COL25A1: variants seen among roughly 807,000 people sequenced by gnomAD.
COL25A1 encodes collagen alpha-1(XXV) chain.
COL25A1 carries 103 observed loss-of-function variants against 128.4 expected under a neutral mutation model. The observed-to-expected ratio is 0.80, with a 90% CI of 0.68 to 0.94. The LOEUF is 0.94. Among genes scored for constraint, COL25A1 ranks in the 40% least tolerant of loss-of-function variants. The pLI is 0.00. For synonymous variants in COL25A1, 279 were observed against 277.2 expected, an observed-to-expected ratio of 1.01 and a Z score of -0.06; for missense variants, 745 against 840.0, an observed-to-expected ratio of 0.89 and a Z score of 1.40.
chr4:108,903,107 G>A (rs988397809), intron 13 of COL25A1, among the ~76,000 whole-genome samples: 3 of 152,026 alleles, frequency 2.0e-5, no homozygotes, highest in Middle Eastern at 3.4e-3. Flanking sequence ...AATTCATGCT[G>A]AGATTTTGAA....
chr4:108,932,836 T>C (rs1302859741), intron 11 of COL25A1, among the ~76,000 whole-genome samples: 1 of 152,204 alleles, frequency 6.6e-6, no homozygotes, highest in Non-Finnish European at 1.5e-5. Flanking sequence ...TAAAGATAAT[T>C]TGTGCTAGGA....
At chr4:108,984,194 G>A (rs1303205813) in intron 6 of COL25A1, among the ~76,000 whole-genome samples, 2 of 152,198 alleles carry the variant, frequency 1.3e-5, no homozygotes, top group African/African-American at 4.8e-5. Flanking sequence ...CCCTGACCTA[G>A]ACACAGGGTG....
intron 6 of COL25A1, among the ~76,000 whole-genome samples, chr4:108,983,914 G>C (rs1044272497): frequency 3.3e-5 from 5 of 152,160 alleles, no homozygotes; most frequent in Admixed American, 2.6e-4. Context: ...AGCTTCCACA[G>C]TGTGGAAGGG....
intron 20 of COL25A1, among the ~76,000 whole-genome samples, chr4:108,868,866 AAG>A (rs951226419): frequency 1.3e-4 from 19 of 148,208 alleles, no homozygotes; most frequent in Middle Eastern, 3.5e-3. Flanking sequence ...AGAAGGAAGG[AAG>A]AGAGAGAGAG....
At chr4:109,170,950 G>A (rs1435722247) in intron 3 of COL25A1, among the ~76,000 whole-genome samples, 1 of 152,108 alleles carries the variant, frequency 6.6e-6, no homozygotes, top group Non-Finnish European at 1.5e-5. Context: ...AACTGCAAAT[G>A]TGTAGAGGCA....
At chr4:109,115,794 G>C (rs1767489458) in intron 3 of COL25A1, among the ~76,000 whole-genome samples, 1 of 151,998 alleles carries the variant, frequency 6.6e-6, no homozygotes, top group South Asian at 2.1e-4. Context: ...GTGAAAAGGA[G>C]ACCAAGCAGC....
chr4:109,278,389 A>G (rs1723050187), intron 3 of COL25A1, among the ~76,000 whole-genome samples: 1 of 152,220 alleles, frequency 6.6e-6, no homozygotes, highest in African/African-American at 2.4e-5. Flanking sequence ...TTCATCAAAG[A>G]AAAAGCCTGG....
At chr4:109,234,744 C>A (rs547493925) in intron 3 of COL25A1, among the ~76,000 whole-genome samples, 87 of 152,204 alleles carry the variant, frequency 5.7e-4, no homozygotes, top group Non-Finnish European at 8.8e-4. Flanking sequence ...AGGCCTGCAA[C>A]AATCTGATGA....
chr4:109,083,495 C>T (rs1162564656), intron 3 of COL25A1, among the ~76,000 whole-genome samples: 7 of 110,688 alleles, frequency 6.3e-5, no homozygotes, highest in Non-Finnish European at 9.9e-5. Flanking sequence ...CGGAGTCTCG[C>T]TCTGTCGCCC....
chr4:108,938,898 T>C (rs1036085537), intron 10 of COL25A1, among the ~76,000 whole-genome samples: 9 of 152,182 alleles, frequency 5.9e-5, no homozygotes, highest in African/African-American at 1.7e-4. Context: ...ATAGTATATA[T>C]AAATAAACTC....
chr4:109,064,005 T>C (rs899037161), intron 3 of COL25A1, among the ~76,000 whole-genome samples: 8 of 152,164 alleles, frequency 5.3e-5, no homozygotes, highest in Admixed American at 2.0e-4. Context: ...AAAAAATAGA[T>C]ACCGAAAGTA....
intron 3 of COL25A1, among the ~76,000 whole-genome samples, chr4:109,137,660 G>A (rs142729802): frequency 9.9e-5 from 15 of 152,228 alleles, no homozygotes; most frequent in African/African-American, 3.6e-4. Flanking sequence ...AACAATATAA[G>A]CTGCTATACA....
At chr4:109,043,068 T>C (rs1760073558) in intron 5 of COL25A1, among the ~76,000 whole-genome samples, 2 of 151,908 alleles carry the variant, frequency 1.3e-5, no homozygotes, top group African/African-American at 4.8e-5. Context: ...TTCTGTCTCC[T>C]GCTAGATGTG....
intron 37 of COL25A1, among the ~76,000 whole-genome samples, chr4:108,817,183 A>G (rs867587212): frequency 1.3e-5 from 2 of 152,202 alleles, no homozygotes; most frequent in African/African-American, 4.8e-5. Context: ...AAAAGATTAG[A>G]TAGGGAAGGT....
chr4:109,205,454 C>T (rs1776899109), intron 3 of COL25A1, among the ~76,000 whole-genome samples: 1 of 152,106 alleles, frequency 6.6e-6, no homozygotes, highest in Admixed American at 6.6e-5. Flanking sequence ...TATAGGACTT[C>T]TGGTTTGTGC....
Position 109,063,651 on chromosome 4 carries a change from C to A in COL25A1, c.368-13472G>T, listed in dbSNP as rs1762175023. On this transcript the variant is annotated intron_variant, in intron 3 of 37. Coordinates refer to ENST00000399132, the MANE Select transcript of COL25A1 (RefSeq NM_198721.4). The stretch of plus-strand genomic sequence containing the variant: ...CAACCCAGTTCAAGACCAGCCTGGG[C>A]AAAACAGTGGGACCTTGTCTCTAAT... Among the ~76,000 whole-genome samples the A allele has an allele frequency of 2.0e-5, 3 of 152,044 alleles. No individual in the cohort carries two copies. The South Asian group carries it at 6.2e-4, about 32-fold the overall frequency.
intron 11 of COL25A1, among the ~76,000 whole-genome samples, chr4:108,922,447 A>G (rs13104889): frequency 0.48 from 72,324 of 151,920 alleles, 19,923 homozygotes; most frequent in East Asian, 0.93. Context: ...CCCACTGTAA[A>G]CCTAAGTGCC....
At chr4:109,077,127 A>C (rs1037899388) in intron 3 of COL25A1, among the ~76,000 whole-genome samples, 10 of 152,208 alleles carry the variant, frequency 6.6e-5, no homozygotes, top group Admixed American at 6.5e-4. Context: ...GCACAACACC[A>C]AACAATAAGT....
chr4:109,125,395 T>C (rs899334239), intron 3 of COL25A1, among the ~76,000 whole-genome samples: 1 of 152,140 alleles, frequency 6.6e-6, no homozygotes, highest in Admixed American at 6.6e-5. Context: ...GTGTGCTAAA[T>C]ACAGCTGGCA....
Sources: allele counts gnomAD v4.1 joint callset (sites outside exome capture counted in the v4.1 genomes callset), GRCh38; gene constraint gnomAD v4.1.1; transcripts MANE v1.5; gene names NCBI Gene and HGNC (gene_info 2026-07-23, HGNC 2026-07-21).